Variants in HS1BP3 observed in about 807,000 individuals in gnomAD.
HS1BP3 encodes the protein HCLS1-binding protein 3.
Under a neutral mutation model 33.5 loss-of-function variants are expected in HS1BP3, and 32 were observed. That is an observed-to-expected ratio of 0.95 (90% CI 0.72 to 1.28). The LOEUF is 1.28. Ranked by LOEUF, HS1BP3 falls within the 50% of genes most tolerant of loss-of-function variation. The pLI is 0.00. For synonymous variants in HS1BP3, 187 were observed against 209.2 expected (o/e 0.89, Z 0.92); for missense variants, 486 against 502.3 (o/e 0.97, Z 0.31).
At chr2:20,558,939 G>T (rs1013750135), downstream of HS1BP3, among the ~76,000 whole-genome samples, 2 of 152,240 alleles carry the variant, frequency 1.3e-5, no homozygotes, top group Non-Finnish European at 2.9e-5. Context: ...CACAGGGTCT[G>T]CAGAAGTGCC....
At position 20,645,413 on chromosome 2, in the gene HS1BP3, T is replaced by C. The variant is rs1395960423; in HGVS notation, c.125A>G (p.Gln42Arg). ...GKMMSGHVEYQILVVTRLAAF... is the reference protein window; with the variant it reads ...GKMMSGHVEYRILVVTRLAAF... The stretch of plus-strand genomic sequence containing the variant: ...AGCCAGACGGGTCACCACCAGGATC[T>C]GGTACTCCACGTGTCCAGACATCAT... Residue 42 changes from glutamine to arginine, a missense_variant, in exon 2 of 7, where the codon CAG (glutamine) becomes CGG (arginine). Physicochemically the swap from Gln to Arg is conservative, Grantham distance 43 (BLOSUM62 1). Transcript: ENST00000304031. The C allele has an allele frequency of 8.1e-6, 13 of 1,614,056 alleles. No homozygotes were observed. The highest frequency in any genetic ancestry group is 1.0e-5 in the Non-Finnish European group (12 of 1,180,042).
intron 2 of HS1BP3, among the ~76,000 whole-genome samples, chr2:20,608,052 T>C (rs568495462): frequency 6.6e-6 from 1 of 152,364 alleles, no homozygotes; most frequent in East Asian, 1.9e-4. Context: ...CCTTTTGTAG[T>C]GTGTATAGAA....
chr2:20,564,331 G>T (rs1211810746), intron 5 of HS1BP3, among the ~76,000 whole-genome samples: 1 of 152,240 alleles, frequency 6.6e-6, no homozygotes, highest in Non-Finnish European at 1.5e-5. Context: ...TGGAGCAGAA[G>T]CTGCCTCCGT....
intron 4 of HS1BP3, among the ~76,000 whole-genome samples, chr2:20,629,467 AG>A (rs1243181808): frequency 6.6e-6 from 1 of 152,216 alleles, no homozygotes; most frequent in Non-Finnish European, 1.5e-5. Flanking sequence ...CTTCATTGGA[AG>A]GACAGCTGGT....
chr2:20,630,290 G>A lies in HS1BP3; in HGVS notation c.624-5398C>T, dbSNP rs549124863. ...TTTGGGTTTTTGTTTGTTTTTTTGA[G>A]ACAGGGTCTCTGTCACCTAGGCTGG... On this transcript the variant is annotated intron_variant, in intron 4 of 6. Transcript: ENST00000304031. 1.5e-4 allele frequency among the ~76,000 whole-genome samples: 23 copies of A among 152,070 alleles called. 1 individual carries two copies. In the South Asian group the frequency reaches 4.8e-3, roughly 32 times the overall value.
At chr2:20,577,625 G>A (rs1338726410) in intron 5 of HS1BP3, among the ~76,000 whole-genome samples, 6 of 152,158 alleles carry the variant, frequency 3.9e-5, no homozygotes, top group African/African-American at 7.2e-5. Context: ...ATCTGGGAGC[G>A]TAAGAGTGCC....
intron 2 of HS1BP3, among the ~76,000 whole-genome samples, chr2:20,608,610 C>T (rs1012052753): frequency 1.4e-4 from 21 of 147,708 alleles, no homozygotes; most frequent in African/African-American, 4.7e-4. Context: ...GTAGCAGAAA[C>T]GGGCATCCTG....
chr2:20,587,905 C>G (rs1023370854), downstream of HS1BP3, among the ~76,000 whole-genome samples: 1 of 152,142 alleles, frequency 6.6e-6, no homozygotes, highest in Admixed American at 6.5e-5. Context: ...GGAAAGAAAT[C>G]TTCTCCCTGT....
chr2:20,558,092 T>A (rs1692884177), downstream of HS1BP3, among the ~76,000 whole-genome samples: 1 of 152,254 alleles, frequency 6.6e-6, no homozygotes, highest in African/African-American at 2.4e-5. Flanking sequence ...ACTGCGTCTG[T>A]ATCCATGTGA....
chr2:20,615,944 C>A (rs1015369013), downstream of HS1BP3, among the ~76,000 whole-genome samples: 1 of 152,174 alleles, frequency 6.6e-6, no homozygotes, highest in Admixed American at 6.5e-5. Flanking sequence ...TCCAGGGGGG[C>A]CCATGACACA....
intron 2 of HS1BP3, among the ~76,000 whole-genome samples, chr2:20,603,004 T>C (rs1310785170): frequency 6.6e-6 from 1 of 152,184 alleles, no homozygotes; most frequent in Non-Finnish European, 1.5e-5. Context: ...AGTCATCAGA[T>C]ACAAATCAAA....
intron 4 of HS1BP3, among the ~76,000 whole-genome samples, chr2:20,629,676 G>T (rs1694909076): frequency 6.6e-6 from 1 of 152,344 alleles, no homozygotes; most frequent in South Asian, 2.1e-4. Context: ...CTCCTGGATG[G>T]ATTGCAGGCA....
chr2:20,606,631 C>T (rs1034374596), intron 2 of HS1BP3: 21 of 470,456 alleles, frequency 4.5e-5, no homozygotes, highest in Middle Eastern at 7.6e-4. Flanking sequence ...CGTCTTTCTT[C>T]TTCTTCTTGT....
At chr2:20,592,464 G>A (rs187997417), downstream of HS1BP3, 61 of 167,242 alleles carry the variant, frequency 3.6e-4, no homozygotes, top group African/African-American at 1.3e-3. Flanking sequence ...GTCCCTGCCC[G>A]GCTCAGACTC....
chr2:20,568,193 G>A (rs367669102), intron 5 of HS1BP3, among the ~76,000 whole-genome samples: 1 of 152,184 alleles, frequency 6.6e-6, no homozygotes, highest in South Asian at 2.1e-4. Context: ...AGCCTCACAG[G>A]AGGAGAAAGG....
At chr2:20,577,347 A>G (rs1465283416) in intron 5 of HS1BP3, among the ~76,000 whole-genome samples, 1 of 152,160 alleles carries the variant, frequency 6.6e-6, no homozygotes, top group Non-Finnish European at 1.5e-5. Flanking sequence ...CAAGGCTAGT[A>G]GGCCTGGACT....
chr2:20,612,648 C>T (rs1422136434), intron 2 of HS1BP3, among the ~76,000 whole-genome samples: 2 of 152,150 alleles, frequency 1.3e-5, no homozygotes, highest in Non-Finnish European at 2.9e-5. Flanking sequence ...TCACTCCATT[C>T]GTTTTTGTGA....
chr2:20,615,068 C>T (rs1250162879), downstream of HS1BP3, among the ~76,000 whole-genome samples: 1 of 152,206 alleles, frequency 6.6e-6, no homozygotes, highest in East Asian at 1.9e-4. Context: ...TGCCCAGTGG[C>T]CTGCCACCTC....
downstream of HS1BP3, among the ~76,000 whole-genome samples, chr2:20,588,710 A>C (rs2149278218): frequency 6.6e-6 from 1 of 152,320 alleles, no homozygotes; most frequent in East Asian, 1.9e-4. Flanking sequence ...CCCATGTGGG[A>C]GCTTGCAGCC....
Sources: gnomAD v4.1 joint callset for allele counts (sites outside exome capture counted in the v4.1 genomes callset) on GRCh38, gnomAD v4.1.1 for gene constraint, MANE v1.5 for transcripts, NCBI Gene and HGNC (gene_info 2026-07-23, HGNC 2026-07-21) for gene names.